NKAIN2: variants seen among roughly 807,000 people sequenced by gnomAD.
NKAIN2 encodes the protein sodium/potassium-transporting ATPase subunit beta-1-interacting protein 2.
A neutral mutation model predicts 32.6 loss-of-function variants in NKAIN2; 14 were observed. That is an observed-to-expected ratio of 0.43 (90% CI 0.28 to 0.67). NKAIN2 has a LOEUF of 0.67. Ranked by LOEUF, NKAIN2 falls within the 30% of genes least tolerant of loss-of-function variation. The pLI is 0.17. For synonymous variants in NKAIN2, 80 were observed against 87.2 expected (o/e 0.92, Z 0.46); for missense variants, 198 against 258.3 (o/e 0.77, Z 1.60).
At chr6:124,503,405 A>G (rs1424729778) in intron 3 of NKAIN2, among the ~76,000 whole-genome samples, 1 of 152,134 alleles carries the variant, frequency 6.6e-6, no homozygotes, top group Non-Finnish European at 1.5e-5. Context: ...TAATGTAAAT[A>G]GGAGTGTTAA....
intron 3 of NKAIN2, among the ~76,000 whole-genome samples, chr6:124,501,196 C>T (rs1308218956): frequency 2.0e-5 from 3 of 152,128 alleles, no homozygotes; most frequent in African/African-American, 4.8e-5. Flanking sequence ...TGCACCTCTA[C>T]AGTGTTTCTG....
At chr6:124,075,943 C>T (rs182461644) in intron 1 of NKAIN2, among the ~76,000 whole-genome samples, 110 of 152,288 alleles carry the variant, frequency 7.2e-4, no homozygotes, top group African/African-American at 2.5e-3. Context: ...AATACATGCA[C>T]ACACTTTTGT....
intron 5 of NKAIN2, chr6:124,804,464 C>A: frequency 3.2e-6 from 3 of 950,526 alleles, no homozygotes; most frequent in Non-Finnish European, 3.8e-6. Flanking sequence ...TTGTTTAGCA[C>A]GTGTGAATGT....
intron 3 of NKAIN2, among the ~76,000 whole-genome samples, chr6:124,547,252 T>C (rs1355254039): frequency 6.6e-6 from 1 of 152,198 alleles, no homozygotes; most frequent in Non-Finnish European, 1.5e-5. Context: ...ACAAGGATGC[T>C]ATAAACTGTT....
At chr6:124,389,466 A>G (rs1773048874) in intron 3 of NKAIN2, among the ~76,000 whole-genome samples, 1 of 152,102 alleles carries the variant, frequency 6.6e-6, no homozygotes. Flanking sequence ...GGTTTACTAA[A>G]TATTACTGAA....
At chr6:124,065,641 C>T (rs1254756751) in intron 1 of NKAIN2, among the ~76,000 whole-genome samples, 1 of 152,164 alleles carries the variant, frequency 6.6e-6, no homozygotes, top group Non-Finnish European at 1.5e-5. Context: ...TGATCTTGCA[C>T]TTCCCAGCCT....
chr6:124,370,289 A>T (rs543628568), intron 3 of NKAIN2, among the ~76,000 whole-genome samples: 1 of 151,852 alleles, frequency 6.6e-6, no homozygotes, highest in Non-Finnish European at 1.5e-5. Flanking sequence ...TCAGCGTAGC[A>T]CTTAGAGTGT....
chr6:124,607,175 G>A (rs1782533455), intron 3 of NKAIN2, among the ~76,000 whole-genome samples: 1 of 152,094 alleles, frequency 6.6e-6, no homozygotes, highest in African/African-American at 2.4e-5. Context: ...ATCAGTCTCT[G>A]TAAAGACACT....
intron 3 of NKAIN2, among the ~76,000 whole-genome samples, chr6:124,586,244 A>T (rs751852017): frequency 6.6e-6 from 1 of 152,240 alleles, no homozygotes; most frequent in Non-Finnish European, 1.5e-5. Flanking sequence ...AGAAGAAAAG[A>T]CAACAGTGAC....
chr6:124,174,710 C>A (rs1789069479), intron 1 of NKAIN2, among the ~76,000 whole-genome samples: 1 of 152,104 alleles, frequency 6.6e-6, no homozygotes, highest in Non-Finnish European at 1.5e-5. Flanking sequence ...AAGAAGGCAC[C>A]ACTTCTACTC....
chr6:124,518,314 A>C (rs1326417448), intron 3 of NKAIN2, among the ~76,000 whole-genome samples: 1 of 151,760 alleles, frequency 6.6e-6, no homozygotes, highest in Non-Finnish European at 1.5e-5. Context: ...AAAAGATAGA[A>C]AAGGAAAGCA....
At chr6:124,203,409 G>C (rs1015752739) in intron 1 of NKAIN2, among the ~76,000 whole-genome samples, 1 of 151,776 alleles carries the variant, frequency 6.6e-6, no homozygotes, top group African/African-American at 2.4e-5. Flanking sequence ...TTTATCACAG[G>C]CTCAAAAATA....
intron 1 of NKAIN2, among the ~76,000 whole-genome samples, chr6:124,007,647 C>T (rs1409561126): frequency 6.6e-6 from 1 of 152,108 alleles, no homozygotes; most frequent in East Asian, 1.9e-4. Context: ...GAAGGATGTA[C>T]AGTGGGGTGC....
intron 1 of NKAIN2, among the ~76,000 whole-genome samples, chr6:124,182,594 G>A (rs1383337329): frequency 6.6e-6 from 1 of 151,912 alleles, no homozygotes; most frequent in Non-Finnish European, 1.5e-5. Flanking sequence ...TTTTTATTTG[G>A]GAAAATTCAA....
chr6:124,191,820 G>A (rs1423460676), intron 1 of NKAIN2, among the ~76,000 whole-genome samples: 3 of 151,938 alleles, frequency 2.0e-5, no homozygotes, highest in African/African-American at 7.3e-5. Flanking sequence ...TTTATTAAAT[G>A]TTTCTTCAGT....
chr6:124,193,816 A>G (rs1475577259), intron 1 of NKAIN2, among the ~76,000 whole-genome samples: 1 of 151,792 alleles, frequency 6.6e-6, no homozygotes, highest in Non-Finnish European at 1.5e-5. Flanking sequence ...TGTCCTGAGG[A>G]GTGTTCAGGT....
intron 4 of NKAIN2, among the ~76,000 whole-genome samples, chr6:124,738,972 A>G (rs556515656): frequency 6.6e-6 from 1 of 151,936 alleles, no homozygotes; most frequent in African/African-American, 2.4e-5. Flanking sequence ...ATGCTTTTTA[A>G]CTCTAATTCT....
At chr6:124,463,082 T>C (rs546069222) in intron 3 of NKAIN2, among the ~76,000 whole-genome samples, 5 of 152,150 alleles carry the variant, frequency 3.3e-5, no homozygotes, top group Non-Finnish European at 1.5e-5. Context: ...CTGCATTAAA[T>C]CTGAATCAGT....
intron 1 of NKAIN2, among the ~76,000 whole-genome samples, chr6:123,943,018 G>A (rs533552629): frequency 6.6e-6 from 1 of 151,958 alleles, no homozygotes; most frequent in Non-Finnish European, 1.5e-5. Flanking sequence ...TCAATCCCAT[G>A]TGCATTACAA....
Sources: gnomAD v4.1 joint callset for allele counts (sites outside exome capture counted in the v4.1 genomes callset) on GRCh38, gnomAD v4.1.1 for gene constraint, MANE v1.5 for transcripts, NCBI Gene and HGNC (gene_info 2026-07-23, HGNC 2026-07-21) for gene names.